The following ADAMTSL3 variants were observed in gnomAD, a reference collection of about 807,000 sequenced individuals.
ADAMTSL3 encodes ADAMTS-like protein 3.
In ADAMTSL3, 128 loss-of-function variants were observed where a neutral mutation model predicts 201.7. The observed-to-expected ratio is 0.63, with a 90% confidence interval of 0.55 to 0.73. ADAMTSL3 has a LOEUF of 0.73. ADAMTSL3 is among the 30% of genes least tolerant of loss of function. The probability of loss-of-function intolerance (pLI) is 0.00; values close to 1 mark genes in which losing one functional copy is unlikely to be tolerated. For synonymous variants in ADAMTSL3, 738 were observed against 748.4 expected, an observed-to-expected ratio of 0.99 and a Z score of 0.23; for missense variants, 1,990 against 2,119.6, an observed-to-expected ratio of 0.94 and a Z score of 1.20.
intron 23 of ADAMTSL3, among the ~76,000 whole-genome samples, chr15:83,996,509 C>T (rs768742037): frequency 3.9e-5 from 6 of 151,998 alleles, no homozygotes; most frequent in Non-Finnish European, 5.9e-5. Context: ...AGTCCGGGCG[C>T]GGTGGCTCAT....
At chr15:84,018,943 A>G (rs1018569261) in intron 25 of ADAMTSL3, among the ~76,000 whole-genome samples, 1 of 152,222 alleles carries the variant, frequency 6.6e-6, no homozygotes, top group African/African-American at 2.4e-5. Context: ...AAAGACACCA[A>G]TAAGAATAAT....
intron 3 of ADAMTSL3, among the ~76,000 whole-genome samples, chr15:83,715,092 C>G (rs111420498): frequency 2.6e-5 from 4 of 152,126 alleles, no homozygotes; most frequent in African/African-American, 9.6e-5. Flanking sequence ...ATTTCTCATG[C>G]TAGTCTGGGT....
chr15:83,857,852 G>C (rs1278878618), intron 7 of ADAMTSL3, among the ~76,000 whole-genome samples: 2 of 152,206 alleles, frequency 1.3e-5, no homozygotes, highest in Non-Finnish European at 1.5e-5. Flanking sequence ...TCTGCTTGAA[G>C]TAATTCGTAT....
chr15:83,762,944 TG>T (rs1252944448), intron 3 of ADAMTSL3, among the ~76,000 whole-genome samples: 1 of 151,990 alleles, frequency 6.6e-6, no homozygotes, highest in Non-Finnish European at 1.5e-5. Flanking sequence ...TGGAGTGCAG[TG>T]ATGCAGTCTC....
At chr15:83,985,200 A>T (rs2067452168) in intron 21 of ADAMTSL3, among the ~76,000 whole-genome samples, 1 of 152,154 alleles carries the variant, frequency 6.6e-6, no homozygotes, top group South Asian at 2.1e-4. Context: ...TGTAAAAAAA[A>T]TACACATTTA....
intron 17 of ADAMTSL3, among the ~76,000 whole-genome samples, chr15:83,926,424 C>G (rs1453099421): frequency 6.6e-6 from 1 of 152,092 alleles, no homozygotes; most frequent in Non-Finnish European, 1.5e-5. Context: ...AAAAAGATTA[C>G]TCAAACACAG....
intron 23 of ADAMTSL3, among the ~76,000 whole-genome samples, chr15:84,011,763 TA>T (rs2068010418): frequency 6.6e-6 from 1 of 152,200 alleles, no homozygotes; most frequent in Non-Finnish European, 1.5e-5. Context: ...AGAAACAAGA[TA>T]AATATGCAGA....
At chr15:83,884,964 T>C (rs1051202294) in intron 9 of ADAMTSL3, 137 bp from the exon 10 acceptor site, 16 of 600,098 alleles carry the variant, frequency 2.7e-5, no homozygotes, top group South Asian at 4.4e-5. Context: ...CTTAAACTTA[T>C]TGGACTCTTG....
intron 4 of ADAMTSL3, among the ~76,000 whole-genome samples, chr15:83,803,357 T>C (rs1390432780): frequency 6.6e-6 from 1 of 152,142 alleles, no homozygotes; most frequent in African/African-American, 2.4e-5. Flanking sequence ...ATTTAAATCA[T>C]ACTGGCAAAA....
chr15:83,928,278 C>G (rs1434978835), intron 17 of ADAMTSL3, among the ~76,000 whole-genome samples: 1 of 152,100 alleles, frequency 6.6e-6, no homozygotes. Flanking sequence ...ACCTTCCAAG[C>G]CCCTAGGATT....
rs770000702 is a variant in ADAMTSL3 at position 83,858,824 on chromosome 15, A to G, written c.786A>G (p.Lys262=). The G allele has an allele frequency of 3.1e-6, 5 of 1,612,608 alleles. No individual in the cohort carries two copies. In the South Asian group the frequency reaches 4.4e-5, roughly 14 times the overall value. The change falls in exon 8 of 30, where the codon AAA becomes AAG. Residue 262 remains lysine (K), a synonymous_variant. Transcript: ENST00000286744. ...LGSRSVRITV[K]GPAHLFIESK... is the part of the protein sequence containing the mutation. The stretch of plus-strand genomic sequence containing the variant: ...GTCGAAGTGTGAGAATTACAGTGAA[A>G]GGACCTGCCCACCTCTGTAAGTAGA...
At chr15:84,025,204 G>A (rs200003060) in intron 26 of ADAMTSL3, 34 bp from the exon 27 acceptor site, 6 of 1,548,408 alleles carry the variant, frequency 3.9e-6, no homozygotes, top group Admixed American at 2.0e-5. Flanking sequence ...TGGCATACCA[G>A]TCCTTACTAA....
intron 19 of ADAMTSL3, among the ~76,000 whole-genome samples, chr15:83,955,562 C>T (rs774004877): frequency 1.3e-5 from 2 of 152,098 alleles, no homozygotes; most frequent in Non-Finnish European, 2.9e-5. Flanking sequence ...TCATCCAAGG[C>T]CCATGGCATA....
At chr15:84,032,043 G>C (rs1001872879) in intron 28 of ADAMTSL3, among the ~76,000 whole-genome samples, 1 of 152,156 alleles carries the variant, frequency 6.6e-6, no homozygotes, top group Admixed American at 6.5e-5. Flanking sequence ...CAGCACCCCA[G>C]CCAGCAGAAA....
In ADAMTSL3 at chr15:83,942,923, G is replaced by A; in HGVS notation, c.2331G>A (p.Gly777=). 6.2e-7 allele frequency: 1 copy of A among 1,604,876 alleles called. No homozygotes were observed. The highest frequency in any genetic ancestry group is 1.7e-5 in the Admixed American group (1 of 59,576). The part of the protein sequence containing the change: ...EWQQCSRTCG[G]GTQNRRVTCR... ...CTTAGTGTTCCAGGACTTGTGGCGG[G>A]GGAACTCAGAACAGAAGAGTCACCT... Residue 777 remains glycine (G), a synonymous_variant, in exon 19 of 30, where the codon GGG becomes GGA. Transcript: ENST00000286744.
chr15:83,839,438 G>A (rs1017990803), intron 7 of ADAMTSL3, among the ~76,000 whole-genome samples: 3 of 152,232 alleles, frequency 2.0e-5, no homozygotes, highest in South Asian at 2.1e-4. Flanking sequence ...CAAAGCCTTC[G>A]TTATTGTGTT....
intron 16 of ADAMTSL3, among the ~76,000 whole-genome samples, chr15:83,923,201 G>T (rs1429087756): frequency 1.3e-5 from 2 of 152,060 alleles, no homozygotes; most frequent in East Asian, 3.9e-4. Context: ...TAATTTTTAG[G>T]CTTGAATCTA....
At chr15:83,702,582 T>C (rs2061792092) in intron 2 of ADAMTSL3, among the ~76,000 whole-genome samples, 1 of 152,286 alleles carries the variant, frequency 6.6e-6, no homozygotes, top group East Asian at 1.9e-4. Context: ...GGGGCCAATG[T>C]AGAGCTCGGG....
chr15:83,769,288 A>G (rs2062940493), intron 3 of ADAMTSL3, among the ~76,000 whole-genome samples: 1 of 152,232 alleles, frequency 6.6e-6, no homozygotes, highest in African/African-American at 2.4e-5. Context: ...ATATCGAGTG[A>G]CAAAATGAAA....
Sources: allele counts gnomAD v4.1 joint callset (sites outside exome capture counted in the v4.1 genomes callset), GRCh38; gene constraint gnomAD v4.1.1; transcripts MANE v1.5; gene names NCBI Gene and HGNC (gene_info 2026-07-23, HGNC 2026-07-21).